CUL2: variants seen among roughly 807,000 people sequenced by gnomAD.
CUL2 encodes cullin 2, also known as cullin-2.
In CUL2, 22 loss-of-function variants were observed where a neutral mutation model predicts 110.2. The observed-to-expected ratio is 0.20, with a 90% confidence interval of 0.14 to 0.28. The LOEUF (loss-of-function observed/expected upper bound fraction) is 0.28, where lower values mean the gene tolerates loss of function less well. Among genes scored for constraint, CUL2 ranks in the 10% least tolerant of loss-of-function variants. The pLI, the probability that CUL2 is intolerant of heterozygous loss-of-function variation, is 1.00. For synonymous variants in CUL2, 279 were observed against 293.2 expected, an observed-to-expected ratio of 0.95 and a Z score of 0.49; for missense variants, 631 against 905.5, an observed-to-expected ratio of 0.70 and a Z score of 3.89.
intron 17 of CUL2, among the ~76,000 whole-genome samples, chr10:35,018,288 CAAAAAAAAAAAAAAA>C (rs11357517): frequency 2.7e-5 from 2 of 75,242 alleles, no homozygotes; most frequent in Admixed American, 1.8e-4. Flanking sequence ...CTCCATCTCA[CAAAAAAAAAAAAAAA>C]AAAAAAAAAA....
intron 9 of CUL2, among the ~76,000 whole-genome samples, chr10:35,035,679 A>G (rs1423503797): frequency 6.6e-6 from 1 of 152,204 alleles, no homozygotes; most frequent in Admixed American, 6.5e-5. Flanking sequence ...TGTGGATATA[A>G]TTTCTTAACA....
chr10:35,075,130 TAC>T (rs1225602819), intron 1 of CUL2, among the ~76,000 whole-genome samples: 4 of 152,112 alleles, frequency 2.6e-5, no homozygotes, highest in African/African-American at 7.2e-5. Flanking sequence ...CATAGGAAAA[TAC>T]AGTTACAATC....
At chr10:35,019,294 A>G (rs1012060568) in intron 17 of CUL2, among the ~76,000 whole-genome samples, 1 of 152,162 alleles carries the variant, frequency 6.6e-6, no homozygotes, top group African/African-American at 2.4e-5. Flanking sequence ...ACGAGACCCA[A>G]AGAGCATTAG....
chr10:35,050,089 A>G (rs1459460690), intron 5 of CUL2, among the ~76,000 whole-genome samples: 1 of 152,098 alleles, frequency 6.6e-6, no homozygotes, highest in African/African-American at 2.4e-5. Flanking sequence ...TTGGGAGGCC[A>G]AGGTGGGCAC....
intron 1 of CUL2, among the ~76,000 whole-genome samples, chr10:35,101,547 C>A (rs2087377375): frequency 6.6e-6 from 1 of 152,164 alleles, no homozygotes; most frequent in African/African-American, 2.4e-5. Flanking sequence ...TAGATTCATG[C>A]CTACTAATTC....
At chr10:35,043,212 AG>A (rs754641323) in intron 8 of CUL2, among the ~76,000 whole-genome samples, 1 of 152,174 alleles carries the variant, frequency 6.6e-6, no homozygotes, top group Non-Finnish European at 1.5e-5. Flanking sequence ...ACCACTTGCC[AG>A]TGGCATATTT....
chr10:35,108,892 G>C (rs750135791), intron 1 of CUL2, among the ~76,000 whole-genome samples: 64 of 152,298 alleles, frequency 4.2e-4, no homozygotes, highest in Middle Eastern at 3.4e-3. Flanking sequence ...GAAATCTGAT[G>C]TTTGCTGAAT....
intron 2 of CUL2, among the ~76,000 whole-genome samples, chr10:35,098,289 A>G (rs1422477883): frequency 2.0e-5 from 3 of 152,202 alleles, no homozygotes; most frequent in Non-Finnish European, 4.4e-5. Flanking sequence ...GAGATAGATA[A>G]CTCACTATTT....
At chr10:35,037,563 G>A (rs1179621661) in intron 9 of CUL2, among the ~76,000 whole-genome samples, 1 of 152,130 alleles carries the variant, frequency 6.6e-6, no homozygotes, top group Admixed American at 6.5e-5. Flanking sequence ...AAAAAACACG[G>A]GGCCAAGGGT....
intron 1 of CUL2, among the ~76,000 whole-genome samples, chr10:35,084,266 ACT>A (rs1390722836): frequency 6.6e-6 from 1 of 152,104 alleles, no homozygotes; most frequent in East Asian, 1.9e-4. Context: ...GACGAGTGAA[ACT>A]CTGTCTCAAA....
At chr10:35,121,245 A>G (rs1176396807) in intron 1 of CUL2, among the ~76,000 whole-genome samples, 1 of 152,000 alleles carries the variant, frequency 6.6e-6, no homozygotes, top group East Asian at 1.9e-4. Flanking sequence ...TTTTTTTGGG[A>G]TGGAGTCTCA....
At chr10:35,085,501 T>C (rs1369397578) in intron 1 of CUL2, among the ~76,000 whole-genome samples, 3 of 149,504 alleles carry the variant, frequency 2.0e-5, no homozygotes, top group Admixed American at 6.7e-5. Flanking sequence ...TCCCAGCACT[T>C]TGGGACACTG....
rs539435129 is a variant in CUL2 at position 35,009,114 on chromosome 10, G to C, written c.*1197C>G. 10 of 149,738 alleles carry C rather than the reference G, an allele frequency of 6.7e-5. No individual in the cohort carries two copies. In the South Asian group the frequency reaches 1.9e-3, roughly 28 times the overall value. The allele number at this position is 149,738 out of a possible 1,614,324, so 9.3% of individuals were successfully genotyped here. On this transcript the variant is annotated 3_prime_UTR_variant, in exon 21 of 21. Transcript: ENST00000374749. The stretch of plus-strand genomic sequence containing the variant: ...ATGTTGAGGGAGGAGGGGTGTGGTG[G>C]TGGTGGTGATGGTGTGGATAGACAA...
rs558760447 is a variant in CUL2 at position 35,068,857 on chromosome 10, T to C, written c.119+2342A>G. Among the ~76,000 whole-genome samples the C allele has an allele frequency of 1.2e-4, 19 of 152,250 alleles. No homozygotes were observed. The South Asian group carries it at 3.7e-3, about 30-fold the overall frequency. ...TGGAATTTTACCTTATAACAATTAGTAGCATAGTCTTTTATTTATTTATTT... is the reference window on the plus strand; with the variant it reads ...TGGAATTTTACCTTATAACAATTAGCAGCATAGTCTTTTATTTATTTATTT... On this transcript the variant is annotated intron_variant, in intron 2 of 20. Transcript: ENST00000374749.
At chr10:35,104,844 C>T (rs1208495899) in intron 1 of CUL2, among the ~76,000 whole-genome samples, 1 of 151,894 alleles carries the variant, frequency 6.6e-6, no homozygotes, top group Non-Finnish European at 1.5e-5. Context: ...ATTCTTTTGC[C>T]TCAGCCTCCT....
chr10:35,081,619 T>G (rs1276065399), intron 1 of CUL2, among the ~76,000 whole-genome samples: 1 of 152,176 alleles, frequency 6.6e-6, no homozygotes, highest in Non-Finnish European at 1.5e-5. Flanking sequence ...TTTGGCTGTG[T>G]GCAGTGGCCC....
intron 1 of CUL2, chr10:35,074,307 C>T (rs1417930185): frequency 1.1e-6 from 1 of 873,204 alleles, no homozygotes; most frequent in East Asian, 2.6e-5. Context: ...AGCTTCCTCT[C>T]CTCCTGGTAC....
intron 10 of CUL2, 70 bp from the exon 11 acceptor site, chr10:35,033,343 TAGAC>T (rs2085526093): frequency 1.0e-6 from 1 of 997,470 alleles, no homozygotes; most frequent in African/African-American, 1.6e-5. Context: ...TGAGGTTTAT[TAGAC>T]TTATTAGTAA....
In CUL2 at chr10:35,011,869, C is replaced by T. The variant is rs149984910; in HGVS notation, c.2085G>A (p.Arg695=). 69 of 1,611,816 alleles carry T rather than the reference C, an allele frequency of 4.3e-5. No individual in the cohort carries two copies. In the African/African-American group the frequency reaches 8.1e-4, roughly 19 times the overall value. The change falls in exon 20 of 21, where the codon CGG becomes CGA. Residue 695 remains arginine, a synonymous_variant. Transcript: ENST00000374749. ...TTACCTCTTGAATAAGGGCATTGTG[C>T]CGAAGCACTTTTCGTGCTTTCATGA... ...VRIMKARKVL[R]HNALIQEVIS...
Sources: gnomAD v4.1 joint callset for allele counts (sites outside exome capture counted in the v4.1 genomes callset) on GRCh38, gnomAD v4.1.1 for gene constraint, MANE v1.5 for transcripts, NCBI Gene and HGNC (gene_info 2026-07-23, HGNC 2026-07-21) for gene names.